TMPRSS11D: variants seen among roughly 807,000 people sequenced by gnomAD.
TMPRSS11D encodes the protein transmembrane serine protease 11D.
A neutral mutation model predicts 44.4 loss-of-function variants in TMPRSS11D; 32 were observed. That is an observed-to-expected ratio of 0.72 (90% CI 0.54 to 0.97). The LOEUF (loss-of-function observed/expected upper bound fraction) is 0.97, where lower values mean the gene tolerates loss of function less well. Among genes scored for constraint, TMPRSS11D ranks in the 50% least tolerant of loss-of-function variants. The pLI, the probability that TMPRSS11D is intolerant of heterozygous loss-of-function variation, is 0.00. For missense variants in TMPRSS11D, 446 were observed against 502.6 expected (o/e 0.89, Z 1.08); for synonymous variants, 179 against 177.9 (o/e 1.01, Z -0.05).
At chr4:67,840,020 C>A (rs1249028617) in intron 4 of TMPRSS11D, among the ~76,000 whole-genome samples, 1 of 145,574 alleles carries the variant, frequency 6.9e-6, no homozygotes, top group Non-Finnish European at 1.5e-5. Context: ...AGTCCATGTG[C>A]TGCTGATTCC....
At chr4:67,875,840 T>C (rs943672884) in intron 1 of TMPRSS11D, among the ~76,000 whole-genome samples, 12 of 152,192 alleles carry the variant, frequency 7.9e-5, no homozygotes, top group African/African-American at 2.4e-4. Flanking sequence ...ATCAAATAAA[T>C]GAAAGCAAGC....
At chr4:67,838,686 C>T (rs1718161417) in intron 4 of TMPRSS11D, among the ~76,000 whole-genome samples, 2 of 152,048 alleles carry the variant, frequency 1.3e-5, no homozygotes, top group African/African-American at 4.8e-5. Flanking sequence ...ATATGCAAAA[C>T]TTCAAAGAAG....
At chr4:67,862,339 G>C (rs1416616378) in intron 1 of TMPRSS11D, among the ~76,000 whole-genome samples, 1 of 151,994 alleles carries the variant, frequency 6.6e-6, no homozygotes, top group Middle Eastern at 3.2e-3. Context: ...TGACAGAGCT[G>C]GAAACAGAAA....
intron 3 of TMPRSS11D, among the ~76,000 whole-genome samples, chr4:67,851,438 C>T (rs1226167518): frequency 1.3e-5 from 2 of 152,110 alleles, no homozygotes; most frequent in Non-Finnish European, 2.9e-5. Flanking sequence ...GATGCTAGAA[C>T]AAAAATTATC....
chr4:67,850,777 G>A (rs561737066), intron 3 of TMPRSS11D, among the ~76,000 whole-genome samples: 51 of 152,320 alleles, frequency 3.3e-4, no homozygotes, highest in Non-Finnish European at 7.1e-4. Context: ...TTAAATCCCA[G>A]TCAATCAATC....
At chr4:67,843,531 C>T (rs975079452) in intron 3 of TMPRSS11D, among the ~76,000 whole-genome samples, 13 of 151,852 alleles carry the variant, frequency 8.6e-5, no homozygotes, top group African/African-American at 2.9e-4. Flanking sequence ...TATTATGTAC[C>T]CATAATAATT....
intron 3 of TMPRSS11D, among the ~76,000 whole-genome samples, chr4:67,850,626 A>G (rs1577817729): frequency 6.6e-6 from 1 of 152,202 alleles, no homozygotes; most frequent in South Asian, 2.1e-4. Flanking sequence ...TGACAGCCCC[A>G]AAAGAGAAGG....
At chr4:67,843,211 C>G (rs1337684910) in intron 3 of TMPRSS11D, among the ~76,000 whole-genome samples, 2 of 145,416 alleles carry the variant, frequency 1.4e-5, no homozygotes, top group Admixed American at 1.4e-4. Flanking sequence ...GAAATTGAGT[C>G]TCACTATGTT....
At chr4:67,848,412 C>T (rs1162647610) in intron 3 of TMPRSS11D, among the ~76,000 whole-genome samples, 1 of 152,114 alleles carries the variant, frequency 6.6e-6, no homozygotes, top group Non-Finnish European at 1.5e-5. Context: ...TCTTGTGTGC[C>T]ACCACCTCCC....
At chr4:67,875,760 A>G (rs1316572917) in intron 1 of TMPRSS11D, among the ~76,000 whole-genome samples, 1 of 152,264 alleles carries the variant, frequency 6.6e-6, no homozygotes, top group East Asian at 1.9e-4. Context: ...TTATGAGTCC[A>G]GTGAATTAAA....
intron 1 of TMPRSS11D, among the ~76,000 whole-genome samples, chr4:67,878,534 G>A (rs532697049): frequency 1.5e-3 from 230 of 152,258 alleles, no homozygotes; most frequent in African/African-American, 5.1e-3. Context: ...TGAGAAAAAG[G>A]TCTGGGCCTT....
At chr4:67,859,306 G>C (rs1718736366) in intron 2 of TMPRSS11D, among the ~76,000 whole-genome samples, 1 of 151,302 alleles carries the variant, frequency 6.6e-6, no homozygotes, top group Non-Finnish European at 1.5e-5. Context: ...ATTCTTTTTT[G>C]AGTAACAATG....
intron 1 of TMPRSS11D, among the ~76,000 whole-genome samples, chr4:67,863,328 C>CAAAAA (rs561420216): frequency 2.4e-4 from 21 of 89,000 alleles, no homozygotes; most frequent in Non-Finnish European, 4.2e-4. Flanking sequence ...TGGTCTTGCT[C>CAAAAA]AAAAAAAAAA....
chr4:67,832,099 A>G (rs762904571), intron 7 of TMPRSS11D, among the ~76,000 whole-genome samples: 1 of 152,174 alleles, frequency 6.6e-6, no homozygotes, highest in African/African-American at 2.4e-5. Context: ...TCAGATACTC[A>G]TAGGTAGGGA....
chr4:67,831,278 A>G (rs780883519), intron 7 of TMPRSS11D, among the ~76,000 whole-genome samples: 44 of 152,068 alleles, frequency 2.9e-4, no homozygotes, highest in Admixed American at 1.3e-4. Flanking sequence ...AGACCTCATC[A>G]CTTCTATGTA....
intron 3 of TMPRSS11D, among the ~76,000 whole-genome samples, chr4:67,843,174 A>G (rs1718274689): frequency 8.7e-6 from 1 of 115,334 alleles, no homozygotes; most frequent in South Asian, 2.7e-4. Context: ...TTTTAGCATT[A>G]GTTGGTAATT....
In TMPRSS11D at chr4:67,829,235, A is replaced by T. The variant is rs556399715; in HGVS notation, c.693-1715T>A. ...TCTCAGGACCCTCAGTTCTTTAGGG[A>T]TGGACGATATGGCTGGTATTATTGC... is the stretch of plus-strand genomic sequence containing the variant. On this transcript the variant is annotated intron_variant, in intron 7 of 9. Coordinates refer to ENST00000283916, the MANE Select transcript of TMPRSS11D (RefSeq NM_004262.3). 2.0e-5 allele frequency among the ~76,000 whole-genome samples: 3 copies of T among 152,202 alleles called. No individual in the cohort carries two copies. In the South Asian group the frequency reaches 6.2e-4, roughly 32 times the overall value.
At chr4:67,833,730 A>T (rs1353221000) in intron 6 of TMPRSS11D, 2 of 167,528 alleles carry the variant, frequency 1.2e-5, no homozygotes, top group African/African-American at 4.7e-5. Context: ...CTTTTTCTCA[A>T]TAGTCTTGCT....
intron 2 of TMPRSS11D, among the ~76,000 whole-genome samples, chr4:67,858,999 G>C (rs1220926792): frequency 1.3e-5 from 2 of 152,012 alleles, no homozygotes; most frequent in African/African-American, 4.8e-5. Flanking sequence ...GTTTTAAAAA[G>C]TTTGACTTTA....
Sources: allele counts gnomAD v4.1 joint callset (sites outside exome capture counted in the v4.1 genomes callset), GRCh38; gene constraint gnomAD v4.1.1; transcripts MANE v1.5; gene names NCBI Gene and HGNC (gene_info 2026-07-23, HGNC 2026-07-21).